Variants in P3H1 observed in about 807,000 individuals in gnomAD.
P3H1 encodes the protein prolyl 3-hydroxylase 1, also known as growth suppressor 1.
In P3H1, 69 loss-of-function variants were observed where a neutral mutation model predicts 84.0. The ratio of observed to expected loss-of-function variants is 0.82; its 90% CI spans 0.68 to 1.00. The LOEUF is 1.00. Ranked by LOEUF, P3H1 falls within the 50% of genes least tolerant of loss-of-function variation. The pLI, the probability that P3H1 is intolerant of heterozygous loss-of-function variation, is 0.00. For missense variants in P3H1, 878 were observed against 962.8 expected, an observed-to-expected ratio of 0.91 and a Z score of 1.17; for synonymous variants, 366 against 388.8, an observed-to-expected ratio of 0.94 and a Z score of 0.69.
chr1:42,750,965 C>T (rs1469266050), intron 10 of P3H1, among the ~76,000 whole-genome samples: 8 of 118,022 alleles, frequency 6.8e-5, no homozygotes, highest in East Asian at 2.9e-4. Flanking sequence ...GCCCCCCGCC[C>T]GGCCAGCCGC....
chr1:42,759,981 C>CTT (rs36110403), intron 2 of P3H1: 2,369 of 102,986 alleles, frequency 0.023, 162 homozygotes, highest in Non-Finnish European at 0.032. Context: ...GATTCTTGCA[C>CTT]TTTTTTTTTT....
intron 5 of P3H1, among the ~76,000 whole-genome samples, chr1:42,756,211 T>C (rs1652396137): frequency 6.6e-6 from 1 of 152,196 alleles, no homozygotes; most frequent in Admixed American, 6.5e-5. Context: ...TTTTCTTTTT[T>C]TTCATAGCAG....
At chr1:42,755,472 G>T in intron 6 of P3H1, 76 bp downstream of exon 6, 1 of 1,285,784 alleles carries the variant, frequency 7.8e-7, no homozygotes, top group Non-Finnish European at 1.1e-6. Context: ...GAATCGCACA[G>T]TGTTCCCCTC....
intron 11 of P3H1, chr1:42,748,833 C>T (rs567519569): frequency 2.6e-5 from 6 of 229,952 alleles, no homozygotes; most frequent in South Asian, 6.5e-5. Context: ...GGGAACAGAC[C>T]GGGCTCACTG....
intron 2 of P3H1, chr1:42,762,008 G>A: frequency 3.9e-6 from 1 of 257,708 alleles, no homozygotes; most frequent in South Asian, 5.6e-5. Context: ...TAAGGTGGCG[G>A]TATTACAAAT....
In P3H1 at chr1:42,759,188, G is replaced by A; in HGVS notation, c.808+13C>T. The stretch of plus-strand genomic sequence containing the variant: ...GAGGCCTGGCTGAAGGTCTGGCTCT[G>A]AACTGCACGCACCTGTGATGGCCTG... On this transcript the variant is annotated intron_variant, in intron 3 of 14. Coordinates refer to ENST00000296388, the MANE Select transcript of P3H1 (RefSeq NM_022356.4). 1.2e-6 allele frequency: 2 copies of A among 1,614,110 alleles called. No individual in the cohort carries two copies. The highest frequency in any genetic ancestry group is 1.7e-6 in the Non-Finnish European group (2 of 1,179,954).
rs773651297 is a variant in P3H1 at position 42,747,272 on chromosome 1, C to A, written c.2055G>T (p.Arg685=). 1.2e-6 allele frequency: 2 copies of A among 1,613,782 alleles called. No homozygotes were observed. The highest frequency in any genetic ancestry group is 2.7e-5 in the African/African-American group (2 of 74,930). ...TCTCACCCGCTCGAGCTGCTCTCAC[C>A]CGCTCGCTGTGTCGAGGGTCCAGGG... The part of the protein sequence containing the change: ...WFTLDPRHSE[R]DRVQADDLVK... Residue 685 remains arginine, a splice_region_variant and synonymous_variant, in exon 14 of 15, where the codon CGG becomes CGT. Coordinates refer to ENST00000296388, the MANE Select transcript of P3H1 (RefSeq NM_022356.4).
At chr1:42,753,503 A>G (rs767876574) in intron 8 of P3H1, among the ~76,000 whole-genome samples, 1 of 152,238 alleles carries the variant, frequency 6.6e-6, no homozygotes, top group Non-Finnish European at 1.5e-5. Context: ...AGATAGGGTG[A>G]GAGATGAATC....
At chr1:42,753,816 G>GAA (rs1652239431) in intron 8 of P3H1, among the ~76,000 whole-genome samples, 1 of 152,092 alleles carries the variant, frequency 6.6e-6, no homozygotes, top group East Asian at 1.9e-4. Flanking sequence ...CCAGCTACTT[G>GAA]GGAGGCTGAG....
rs779638233 is a variant in P3H1, at chr1:42,747,311, G to A, written c.2016C>T (p.Ile672=). Residue 672 remains isoleucine (I), a synonymous_variant, in exon 14 of 15, where the codon ATC becomes ATT. Transcript: ENST00000296388. ...KAVTRGQRCA[I]ALWFTLDPRH... Reference sequence around the variant, plus strand: ...GAGGGTCCAGGGTGAACCACAGGGCGATGGCACAGCGCTGCCCCCTGGTGA... The same window carrying A: ...GAGGGTCCAGGGTGAACCACAGGGCAATGGCACAGCGCTGCCCCCTGGTGA... 4 of 1,612,854 alleles carry A rather than the reference G, an allele frequency of 2.5e-6. No homozygotes were observed. Among genetic ancestry groups the A allele is most frequent in the African/African-American group, 2.7e-5 (2 of 75,056 alleles).
In P3H1 at chr1:42,748,772, G is replaced by A. The variant is rs1270154771; in HGVS notation, c.1721-455C>T. 2.2e-5 allele frequency: 6 copies of A among 276,720 alleles called. No individual in the cohort carries two copies. In the East Asian group the frequency reaches 5.3e-4, roughly 24 times the overall value. The allele number at this position is 276,720 out of a possible 1,614,324, so 17.1% of individuals were successfully genotyped here. A position where few individuals can be genotyped will look rare whatever the true frequency, so the allele number is the denominator to read the frequency against. On this transcript the variant is annotated intron_variant, in intron 11 of 14. Coordinates refer to ENST00000296388, the MANE Select transcript of P3H1 (RefSeq NM_022356.4). ...AAAGGGAAAGCATGAACTTCAGTGG[G>A]GCTCTGGGGTGGGGTGGGTGGAGAA...
At position 42,766,742 on chromosome 1, in the gene P3H1, G is replaced by A. The variant is rs1262748432; in HGVS notation, c.230C>T (p.Thr77Ile). 1.3e-6 allele frequency: 2 copies of A among 1,579,020 alleles called. No homozygotes were observed. The highest frequency in any genetic ancestry group is 1.4e-5 in the African/African-American group (1 of 74,038). ...CCACGGGAAGTCGGCGGCACACTGG[G>A]TGCGGCAGCGCAGGCGAAGGGCGCG... Reference protein sequence around the residue: ...ALRALRLRCRTQCAADFPWEL... With the variant: ...ALRALRLRCRIQCAADFPWEL... The change falls in exon 1 of 15, where the codon ACC becomes ATC. Residue 77 changes from threonine to isoleucine, a missense_variant. Thr to Ile is a moderately conservative substitution (Grantham distance 89). Transcript: ENST00000296388.
At chr1:42,752,137 C>T (rs946268749) in intron 10 of P3H1, 137 bp downstream of exon 10, 3 of 766,882 alleles carry the variant, frequency 3.9e-6, no homozygotes, top group Non-Finnish European at 7.0e-6. Context: ...CTCATCCTCG[C>T]TTCCTGGCAA....
At chr1:42,759,113 G>T in intron 3 of P3H1, 88 bp downstream of exon 3, 2 of 1,562,890 alleles carry the variant, frequency 1.3e-6, no homozygotes, top group Non-Finnish European at 1.8e-6. Context: ...TGAGGAATGA[G>T]GGTGAAGAGT....
Position 42,757,796 on chromosome 1 carries a change from A to T in P3H1, c.1067T>A (p.Ile356Asn), listed in dbSNP as rs1184804170. The T allele has an allele frequency of 6.8e-6, 11 of 1,614,216 alleles. No homozygotes were observed. Among genetic ancestry groups the T allele is most frequent in the Non-Finnish European group, 7.6e-6 (9 of 1,180,036 alleles). ...AMLGEEHTRS[I>N]GPRESAKEYR... ...GAAGTCTCTCACCTCACGGGGGCCGATGGATCTGGTGTGTTCTTCTCCAAG... is the reference window on the plus strand; with the variant it reads ...GAAGTCTCTCACCTCACGGGGGCCGTTGGATCTGGTGTGTTCTTCTCCAAG... The change falls in exon 5 of 15, where the codon ATC (isoleucine) becomes AAC (asparagine). Residue 356 changes from isoleucine (I) to asparagine (N), a missense_variant. Coordinates refer to ENST00000296388, the MANE Select transcript of P3H1 (RefSeq NM_022356.4).
At chr1:42,749,983 C>G (rs941220218) in intron 11 of P3H1, 22 of 626,508 alleles carry the variant, frequency 3.5e-5, no homozygotes, top group Non-Finnish European at 5.2e-5. Flanking sequence ...TCTGGGAAGC[C>G]TTCTTGATCC....
Position 42,757,858 on chromosome 1 carries a change from C to G in P3H1, c.1005G>C (p.Glu335Asp). Residue 335 changes from glutamate (E) to aspartate (D), a missense_variant, in exon 5 of 15, where the codon GAG becomes GAC. Glu to Asp is a conservative substitution (Grantham distance 45, BLOSUM62 2). Coordinates refer to ENST00000296388, the MANE Select transcript of P3H1 (RefSeq NM_022356.4). ...KTYLLFFPNDEVMNQNLAYYA... is the reference protein window; with the variant it reads ...KTYLLFFPNDDVMNQNLAYYA... ...AATAGGCCAAATTTTGGTTCATCAC[C>G]TCGTCATTGGGGAAGAAGAGAAGAT... is the stretch of plus-strand genomic sequence containing the variant. 1.2e-6 allele frequency: 2 copies of G among 1,614,212 alleles called. No homozygotes were observed. Among genetic ancestry groups the G allele is most frequent in the Middle Eastern group, 3.3e-4 (2 of 6,062 alleles).
rs776440872 is a variant in P3H1 at position 42,758,813 on chromosome 1, G to A, written c.940+39C>T. ...TGCCCACCTTGCCTTTAGCTTCTTA[G>A]TTAGCCAGCAGAGAAAGAGGAAGGA... On this transcript the variant is annotated intron_variant, in intron 4 of 14. Transcript: ENST00000296388. 6.2e-6 allele frequency: 10 copies of A among 1,612,784 alleles called. No homozygotes were observed. In the Admixed American group the frequency reaches 1.5e-4, roughly 24 times the overall value.
intron 8 of P3H1, among the ~76,000 whole-genome samples, chr1:42,753,654 G>A (rs1289254198): frequency 6.6e-6 from 1 of 152,198 alleles, no homozygotes; most frequent in Non-Finnish European, 1.5e-5. Context: ...AGGGCACAGT[G>A]GCTTATGCCT....
Sources: allele counts gnomAD v4.1 joint callset (sites outside exome capture counted in the v4.1 genomes callset), GRCh38; gene constraint gnomAD v4.1.1; transcripts MANE v1.5; gene names NCBI Gene and HGNC (gene_info 2026-07-23, HGNC 2026-07-21).